Variants in EPB41L4B observed in about 807,000 individuals in gnomAD.
The protein encoded by EPB41L4B is erythrocyte membrane protein band 4.1 like 4B.
Under a neutral mutation model 112.5 loss-of-function variants are expected in EPB41L4B, and 30 were observed. The observed-to-expected ratio is 0.27, with a 90% CI of 0.20 to 0.36. The LOEUF (loss-of-function observed/expected upper bound fraction) is 0.36. Among genes scored for constraint, EPB41L4B ranks in the 10% least tolerant of loss-of-function variants. EPB41L4B has a pLI of 1.00. For synonymous variants in EPB41L4B, 408 were observed against 439.7 expected (o/e 0.93, Z 0.90); for missense variants, 1,024 against 1,133.3 (o/e 0.90, Z 1.38).
chr9:109,238,623 C>A (rs532686153), intron 15 of EPB41L4B, among the ~76,000 whole-genome samples: 55 of 151,912 alleles, frequency 3.6e-4, no homozygotes, highest in African/African-American at 1.3e-3. Flanking sequence ...CAAAAGAGCC[C>A]ATTTTAATAC....
chr9:109,306,628 AAAC>A (rs1837208130), intron 1 of EPB41L4B, among the ~76,000 whole-genome samples: 3 of 151,816 alleles, frequency 2.0e-5, no homozygotes, highest in African/African-American at 4.8e-5. Flanking sequence ...ACAAACAAAC[AAAC>A]AAACAAAAAA....
At chr9:109,283,414 A>G (rs1427548660) in intron 1 of EPB41L4B, among the ~76,000 whole-genome samples, 1 of 152,228 alleles carries the variant, frequency 6.6e-6, no homozygotes, top group Non-Finnish European at 1.5e-5. Context: ...CTTCCTCGAC[A>G]TACTCCTCTG....
At chr9:109,176,761 G>T in intron 24 of EPB41L4B, 65 bp from the exon 25 acceptor site, 11 of 1,573,146 alleles carry the variant, frequency 7.0e-6, no homozygotes, top group Non-Finnish European at 9.6e-6. Flanking sequence ...ACTGTCAGTT[G>T]CTCCCTAAGC....
At chr9:109,263,200 GATA>G in intron 5 of EPB41L4B, 98 bp from the exon 6 acceptor site, 6 of 786,884 alleles carry the variant, frequency 7.6e-6, no homozygotes, top group Non-Finnish European at 1.3e-5. Flanking sequence ...GCGCTATTTA[GATA>G]ATGACTTGTA....
chr9:109,289,019 G>A (rs1836419634), intron 1 of EPB41L4B, among the ~76,000 whole-genome samples: 1 of 152,152 alleles, frequency 6.6e-6, no homozygotes, highest in Admixed American at 6.5e-5. Flanking sequence ...ACCCCCTAGT[G>A]GGTCCCTCCT....
intron 15 of EPB41L4B, among the ~76,000 whole-genome samples, chr9:109,225,185 G>T (rs1833716350): frequency 1.3e-5 from 2 of 152,192 alleles, no homozygotes; most frequent in Admixed American, 6.5e-5. Flanking sequence ...CACATAGCAG[G>T]TGCTCAACTA....
At chr9:109,211,328 C>T (rs139720030) in intron 17 of EPB41L4B, among the ~76,000 whole-genome samples, 2 of 152,236 alleles carry the variant, frequency 1.3e-5, no homozygotes, top group Non-Finnish European at 2.9e-5. Flanking sequence ...GGCATGGTGG[C>T]TCATGCCTGT....
chr9:109,238,595 G>T (rs1006715893), intron 15 of EPB41L4B, among the ~76,000 whole-genome samples: 1 of 152,118 alleles, frequency 6.6e-6, no homozygotes, highest in Non-Finnish European at 1.5e-5. Flanking sequence ...CAGTGTACAG[G>T]TTTCAGGATG....
At chr9:109,190,707 A>G (rs370633856) in intron 22 of EPB41L4B, among the ~76,000 whole-genome samples, 1 of 152,230 alleles carries the variant, frequency 6.6e-6, no homozygotes, top group African/African-American at 2.4e-5. Context: ...TCTAGGTTCT[A>G]GAACTGGCTT....
rs1343267288 is a variant in EPB41L4B at position 109,264,510 on chromosome 9, T to C, written c.578+470A>G. 2.6e-5 allele frequency among the ~76,000 whole-genome samples: 4 copies of C among 152,340 alleles called. No homozygotes were observed. The East Asian group carries it at 7.7e-4, about 29-fold the overall frequency. On this transcript the variant is annotated intron_variant, in intron 5 of 25. Coordinates refer to ENST00000374566, the MANE Select transcript of EPB41L4B (RefSeq NM_019114.5). ...ACTGTGTGCTGCCAGAGGCCTAGTA[T>C]TTCAAAGCCATTTTTAAGAGGAGAA...
intron 1 of EPB41L4B, among the ~76,000 whole-genome samples, chr9:109,310,280 T>C (rs1010671192): frequency 1.3e-5 from 2 of 150,484 alleles, no homozygotes; most frequent in African/African-American, 4.9e-5. Flanking sequence ...TGATATTGTT[T>C]AGGAAAACGT....
chr9:109,268,333 CA>C, intron 3 of EPB41L4B, 57 bp downstream of exon 3: 2 of 1,487,388 alleles, frequency 1.3e-6, no homozygotes, highest in Non-Finnish European at 9.2e-7. Context: ...AAAACACTGG[CA>C]AAGGAGTTTA....
At chr9:109,281,427 G>A (rs1271927834) in intron 1 of EPB41L4B, among the ~76,000 whole-genome samples, 2 of 152,204 alleles carry the variant, frequency 1.3e-5, no homozygotes, top group African/African-American at 4.8e-5. Context: ...AAAAGGCCGG[G>A]CACAGTGGCT....
intron 23 of EPB41L4B, among the ~76,000 whole-genome samples, chr9:109,183,607 T>G (rs1832144945): frequency 6.6e-6 from 1 of 152,194 alleles, no homozygotes; most frequent in African/African-American, 2.4e-5. Flanking sequence ...CAAGCTGGCC[T>G]AGGGTACGTC....
chr9:109,220,189 G>A (rs1451305618), intron 15 of EPB41L4B, among the ~76,000 whole-genome samples: 1 of 152,160 alleles, frequency 6.6e-6, no homozygotes, highest in Non-Finnish European at 1.5e-5. Flanking sequence ...TGTCATTTGT[G>A]TGTGTAGAAT....
At chr9:109,262,432 T>C (rs1320015406) in intron 6 of EPB41L4B, among the ~76,000 whole-genome samples, 4 of 141,130 alleles carry the variant, frequency 2.8e-5, no homozygotes, top group African/African-American at 1.1e-4. Context: ...CTGCCAATGC[T>C]ATTTCTTGGT....
chr9:109,178,382 C>CTTTTTTTTTTTTTTTTTTTTTT (rs1397053185), intron 24 of EPB41L4B, among the ~76,000 whole-genome samples: 1 of 142,092 alleles, frequency 7.0e-6, no homozygotes, highest in Non-Finnish European at 1.5e-5. Context: ...TGAGCAGTAT[C>CTTTTTTTTTTTTTTTTTTTTTT]TTCTTTTTTT....
chr9:109,186,417 C>T (rs1161241346), intron 22 of EPB41L4B, among the ~76,000 whole-genome samples: 4 of 151,878 alleles, frequency 2.6e-5, no homozygotes, highest in Non-Finnish European at 4.4e-5. Context: ...AAACTCCTGA[C>T]CTCAAGTGAT....
intron 13 of EPB41L4B, among the ~76,000 whole-genome samples, chr9:109,249,083 ATATATATG>A (rs1834682232): frequency 6.7e-6 from 1 of 148,174 alleles, no homozygotes; most frequent in Non-Finnish European, 1.5e-5. Flanking sequence ...ATATATATAT[ATATATATG>A]TATATATATG....
Sources: gnomAD v4.1 joint callset for allele counts (sites outside exome capture counted in the v4.1 genomes callset) on GRCh38, gnomAD v4.1.1 for gene constraint, MANE v1.5 for transcripts, NCBI Gene and HGNC (gene_info 2026-07-23, HGNC 2026-07-21) for gene names.